NR3C1: variants seen among roughly 807,000 people sequenced by gnomAD.
NR3C1 encodes glucocorticoid receptor.
In NR3C1, 14 loss-of-function variants were observed where a neutral mutation model predicts 74.0. The observed-to-expected ratio is 0.19, with a 90% CI of 0.12 to 0.30. The LOEUF (loss-of-function observed/expected upper bound fraction) is 0.30, where lower values mean the gene tolerates loss of function less well. Among genes scored for constraint, NR3C1 ranks in the 10% least tolerant of loss-of-function variants. NR3C1 has a pLI of 1.00. For missense variants in NR3C1, 695 were observed against 909.8 expected, an observed-to-expected ratio of 0.76 and a Z score of 3.04; for synonymous variants, 308 against 332.5, an observed-to-expected ratio of 0.93 and a Z score of 0.80.
intron 4 of NR3C1, among the ~76,000 whole-genome samples, chr5:143,305,238 T>C (rs540013523): frequency 1.3e-5 from 2 of 152,164 alleles, no homozygotes; most frequent in South Asian, 4.1e-4. Context: ...AAAAAAGACA[T>C]ACGTGTGGCC....
intron 4 of NR3C1, among the ~76,000 whole-genome samples, chr5:143,309,386 C>T (rs565799102): frequency 6.6e-6 from 1 of 152,316 alleles, no homozygotes; most frequent in East Asian, 1.9e-4. Flanking sequence ...TGTGTGCATT[C>T]AGGTCATGGA....
chr5:143,372,941 C>A (rs1480713102), intron 2 of NR3C1, among the ~76,000 whole-genome samples: 2 of 152,270 alleles, frequency 1.3e-5, no homozygotes, highest in East Asian at 3.9e-4. Flanking sequence ...GTCGTAATCT[C>A]AATGTCTGCA....
At position 143,398,624 on chromosome 5, in the gene NR3C1, T is replaced by TA. The variant is rs967340605; in HGVS notation, c.1184+1031dup. On this transcript the variant is annotated intron_variant, in intron 2 of 8. Coordinates refer to ENST00000394464, the MANE Select transcript of NR3C1 (RefSeq NM_000176.3). The stretch of plus-strand genomic sequence containing the variant: ...AATCACTGTCTACCATGTCTTCTTT[T>TA]AAAAAAACCCGCTGATTAATCAATC... Among the ~76,000 whole-genome samples, 21 of 152,154 alleles carry TA rather than the reference T, an allele frequency of 1.4e-4. 1 individual carries two copies. Among genetic ancestry groups the TA allele is most frequent in the African/African-American group, 2.9e-4 (12 of 41,530 alleles).
At chr5:143,381,954 C>T (rs1428027458) in intron 2 of NR3C1, among the ~76,000 whole-genome samples, 1 of 152,072 alleles carries the variant, frequency 6.6e-6, no homozygotes, top group Non-Finnish European at 1.5e-5. Context: ...AAAACTTCTG[C>T]ACAGCAACGG....
intron 2 of NR3C1, among the ~76,000 whole-genome samples, chr5:143,327,207 C>T (rs764861646): frequency 4.6e-4 from 70 of 152,214 alleles, no homozygotes; most frequent in Non-Finnish European, 7.5e-4. Context: ...AAGCAAGACA[C>T]GTCTCACCTG....
intron 2 of NR3C1, among the ~76,000 whole-genome samples, chr5:143,367,928 C>T (rs972650822): frequency 2.6e-5 from 4 of 152,022 alleles, no homozygotes; most frequent in East Asian, 3.9e-4. Context: ...GCAACGAACA[C>T]GGAATATAGG....
At chr5:143,370,007 CT>C (rs1833967036) in intron 2 of NR3C1, among the ~76,000 whole-genome samples, 1 of 152,042 alleles carries the variant, frequency 6.6e-6, no homozygotes, top group Non-Finnish European at 1.5e-5. Flanking sequence ...CAAGTTTTTT[CT>C]TTTTAAATGA....
At chr5:143,402,707 C>A (rs755659604) in intron 1 of NR3C1, 39 of 985,316 alleles carry the variant, frequency 4.0e-5, no homozygotes, top group Non-Finnish European at 4.7e-5. Flanking sequence ...CACCCTCACG[C>A]GCCCCGCACG....
At chr5:143,324,905 T>C (rs927717766) in intron 2 of NR3C1, among the ~76,000 whole-genome samples, 2 of 152,158 alleles carry the variant, frequency 1.3e-5, no homozygotes, top group Non-Finnish European at 2.9e-5. Context: ...CATAGTAACC[T>C]TTGCTCCAGT....
chr5:143,315,277 T>C (rs1234379014), intron 2 of NR3C1, among the ~76,000 whole-genome samples: 1 of 152,192 alleles, frequency 6.6e-6, no homozygotes, highest in East Asian at 1.9e-4. Flanking sequence ...CCTAAGGAAT[T>C]TTCCTCTTAC....
chr5:143,404,505 C>T, upstream of NR3C1: 3 of 980,930 alleles, frequency 3.1e-6, no homozygotes, highest in Non-Finnish European at 3.6e-6. Flanking sequence ...CCACCCTCCC[C>T]CGCGCCCCGA....
intron 1 of NR3C1, among the ~76,000 whole-genome samples, chr5:143,422,567 G>A (rs1184877043): frequency 1.3e-5 from 2 of 152,130 alleles, no homozygotes; most frequent in Admixed American, 6.5e-5. Flanking sequence ...AATGGGATTA[G>A]TGCCCATATA....
chr5:143,360,418 A>T (rs527847498), intron 2 of NR3C1, among the ~76,000 whole-genome samples: 2 of 152,330 alleles, frequency 1.3e-5, no homozygotes, highest in East Asian at 1.9e-4. Flanking sequence ...AGACAGCTTT[A>T]AAAAACAGGT....
At chr5:143,386,157 T>G (rs969207000) in intron 2 of NR3C1, among the ~76,000 whole-genome samples, 6 of 152,204 alleles carry the variant, frequency 3.9e-5, no homozygotes, top group Admixed American at 1.3e-4. Flanking sequence ...AGCAACCAGA[T>G]CTCATGAGAA....
At chr5:143,315,987 A>T (rs1027702983) in intron 2 of NR3C1, among the ~76,000 whole-genome samples, 2 of 152,204 alleles carry the variant, frequency 1.3e-5, no homozygotes, top group African/African-American at 4.8e-5. Flanking sequence ...TTGTTCTCTG[A>T]ACACTGTTAA....
At chr5:143,432,514 C>A (rs1390154095) in intron 1 of NR3C1, among the ~76,000 whole-genome samples, 1 of 152,130 alleles carries the variant, frequency 6.6e-6, no homozygotes, top group Admixed American at 6.5e-5. Flanking sequence ...CGTCAGCACC[C>A]TTAGGCATTT....
At chr5:143,316,966 T>C (rs530057146) in intron 2 of NR3C1, among the ~76,000 whole-genome samples, 3 of 152,244 alleles carry the variant, frequency 2.0e-5, no homozygotes, top group Non-Finnish European at 2.9e-5. Context: ...AACAAATGGA[T>C]TGATAGTACA....
At chr5:143,309,869 T>G (rs61753486) in intron 4 of NR3C1, among the ~76,000 whole-genome samples, 6 of 152,216 alleles carry the variant, frequency 3.9e-5, no homozygotes, top group Non-Finnish European at 8.8e-5. Context: ...ATAGTCTGGC[T>G]GTACTGAATT....
chr5:143,385,608 G>A lies in NR3C1; in HGVS notation c.1184+14048C>T, dbSNP rs151213144. 1.0e-3 allele frequency among the ~76,000 whole-genome samples: 155 copies of A among 152,338 alleles called. 3 individuals are homozygous for A. The East Asian group carries it at 0.022, about 22-fold the overall frequency. On this transcript the variant is annotated intron_variant, in intron 2 of 8. Transcript: ENST00000394464. ...TCTCTCTCAAGTTCAAAGATCCACAGATCTCTAGGGCAGGGGCAAAATGCT... is the reference window on the plus strand; with the variant it reads ...TCTCTCTCAAGTTCAAAGATCCACAAATCTCTAGGGCAGGGGCAAAATGCT...
Sources: allele counts gnomAD v4.1 joint callset (sites outside exome capture counted in the v4.1 genomes callset), GRCh38; gene constraint gnomAD v4.1.1; transcripts MANE v1.5; gene names NCBI Gene and HGNC (gene_info 2026-07-23, HGNC 2026-07-21).